SLC15A2: variants seen among roughly 807,000 people sequenced by gnomAD.
SLC15A2 encodes solute carrier family 15 member 2, also known as kidney H(+)/peptide cotransporter.
In SLC15A2, 77 loss-of-function variants were observed where a neutral mutation model predicts 95.5. That is an observed-to-expected ratio of 0.81 (90% CI 0.67 to 0.97). The LOEUF (loss-of-function observed/expected upper bound fraction) is 0.97. Among genes scored for constraint, SLC15A2 ranks in the 50% least tolerant of loss-of-function variants. The pLI is 0.00. For missense variants in SLC15A2, 893 were observed against 874.4 expected (o/e 1.02, Z -0.27); for synonymous variants, 306 against 306.9 (o/e 1.00, Z 0.03).
chr3:121,940,287 C>T, intron 20 of SLC15A2, 97 bp from the exon 21 acceptor site: 1 of 809,486 alleles, frequency 1.2e-6, no homozygotes, highest in Non-Finnish European at 2.1e-6. Context: ...AAGAGAAGTT[C>T]TAACTTGGAA....
chr3:121,925,099 G>T, intron 13 of SLC15A2, 66 bp downstream of exon 13: 1 of 1,093,142 alleles, frequency 9.1e-7, no homozygotes, highest in Non-Finnish European at 1.4e-6. Context: ...GTTTGAAAAA[G>T]ATTCAATGTC....
chr3:121,923,089 A>C lies in SLC15A2; in HGVS notation c.917A>C (p.Tyr306Ser), dbSNP rs777558752. ...GCACTGACCAGGGTACTATTCCTTT[A>C]TATCCCATTGCCCATGTTCTGGGCT... ...VKALTRVLFL[Y>S]IPLPMFWALL... The change falls in exon 10 of 22, where the codon TAT becomes TCT. Residue 306 changes from tyrosine (Y) to serine (S), a missense_variant. Coordinates refer to ENST00000489711, the MANE Select transcript of SLC15A2 (RefSeq NM_021082.4). 1 of 1,614,076 alleles carries C rather than the reference A, an allele frequency of 6.2e-7. No individual in the cohort carries two copies. Among genetic ancestry groups the C allele is most frequent in the Non-Finnish European group, 8.5e-7 (1 of 1,179,930 alleles).
chr3:121,902,377 T>C (rs1016085357), intron 3 of SLC15A2, among the ~76,000 whole-genome samples: 1 of 152,192 alleles, frequency 6.6e-6, no homozygotes, highest in Non-Finnish European at 1.5e-5. Flanking sequence ...TTTTTTATTA[T>C]ACTTTAAGTT....
At chr3:121,915,537 A>G in intron 6 of SLC15A2, 79 bp from the exon 7 acceptor site, 3 of 1,133,176 alleles carry the variant, frequency 2.6e-6, no homozygotes, top group Non-Finnish European at 4.0e-6. Context: ...GGTTTATTCA[A>G]CAACCTGAGC....
intron 3 of SLC15A2, among the ~76,000 whole-genome samples, chr3:121,909,865 C>T (rs1331112643): frequency 6.6e-6 from 1 of 151,924 alleles, no homozygotes; most frequent in Non-Finnish European, 1.5e-5. Flanking sequence ...TTATGTGTGG[C>T]CCAAGACAAT....
In SLC15A2 at chr3:121,939,222, C is replaced by A. The variant is rs965903828; in HGVS notation, c.1762-127C>A. On this transcript the variant is annotated intron_variant, in intron 19 of 21. Transcript: ENST00000489711. Reference sequence around the variant, plus strand: ...AAAGCTGGAATTGTGTAGAAATGCTCAATTTCCTGAAAATGGCTGAAGAAT... The same window carrying A: ...AAAGCTGGAATTGTGTAGAAATGCTAAATTTCCTGAAAATGGCTGAAGAAT... 8 of 766,774 alleles carry A rather than the reference C, an allele frequency of 1.0e-5. No individual in the cohort carries two copies. In the Admixed American group the frequency reaches 3.0e-4, roughly 29 times the overall value. 47.5% of individuals were successfully genotyped at this position (766,774 alleles called of 1,614,324 possible).
chr3:121,894,957 TG>T (rs1447891692), intron 1 of SLC15A2, among the ~76,000 whole-genome samples: 1 of 152,264 alleles, frequency 6.6e-6, no homozygotes, highest in African/African-American at 2.4e-5. Flanking sequence ...TCTCCCTGTG[TG>T]CAGAGTCTTC....
intron 5 of SLC15A2, chr3:121,914,994 A>G (rs1333457700): frequency 3.9e-6 from 5 of 1,279,592 alleles, no homozygotes; most frequent in Non-Finnish European, 4.9e-6. Flanking sequence ...TTTTTAACCT[A>G]TGAAAAGGGA....
Position 121,899,477 on chromosome 3 carries a change from A to G in SLC15A2, c.335+1948A>G, listed in dbSNP as rs1050419185. On this transcript the variant is annotated intron_variant, in intron 3 of 21. Coordinates refer to ENST00000489711, the MANE Select transcript of SLC15A2 (RefSeq NM_021082.4). The stretch of plus-strand genomic sequence containing the variant: ...CAGGAGCAAATCTTTAATAGCTTTA[A>G]ATGAACAAAACTCATCTTGACTCTC... Among the ~76,000 whole-genome samples, 84 of 152,126 alleles carry G rather than the reference A, an allele frequency of 5.5e-4. 1 individual carries two copies. The highest frequency in any genetic ancestry group is 2.0e-3 in the African/African-American group (82 of 41,440).
intron 13 of SLC15A2, among the ~76,000 whole-genome samples, chr3:121,926,737 A>C (rs1457031946): frequency 6.6e-6 from 1 of 152,196 alleles, no homozygotes; most frequent in East Asian, 1.9e-4. Context: ...AGACCCCAGA[A>C]TGATAGACCC....
At chr3:121,935,151 C>T (rs1004270747) in intron 19 of SLC15A2, among the ~76,000 whole-genome samples, 5 of 152,142 alleles carry the variant, frequency 3.3e-5, no homozygotes, top group African/African-American at 1.2e-4. Context: ...TGATGTGCTG[C>T]TGGATTCGTT....
chr3:121,915,453 G>A (rs1186884466), intron 6 of SLC15A2, 136 bp downstream of exon 6: 1 of 796,478 alleles, frequency 1.3e-6, no homozygotes, highest in South Asian at 1.6e-5. Context: ...GTCTTGATTT[G>A]TCTGGCCCAA....
chr3:121,922,852 G>A lies in SLC15A2; in HGVS notation c.858G>A (p.Glu286=). ...KRQHWLDWAA[E]KYPKQLIMDV... ...AGCACTGGCTAGACTGGGCGGCTGAGAAATATCCAGTAAGTTGGAAATGCA... is the reference window on the plus strand; with the variant it reads ...AGCACTGGCTAGACTGGGCGGCTGAAAAATATCCAGTAAGTTGGAAATGCA... Residue 286 remains glutamate (E), a synonymous_variant, in exon 9 of 22, where the codon GAG becomes GAA. Transcript: ENST00000489711. 1.2e-6 allele frequency: 2 copies of A among 1,613,400 alleles called. No individual in the cohort carries two copies. Among genetic ancestry groups the A allele is most frequent in the Non-Finnish European group, 1.7e-6 (2 of 1,179,400 alleles).
rs267599571 is a variant in SLC15A2, at chr3:121,929,114, C to T, written c.1474C>T (p.Arg492Cys). The T allele has an allele frequency of 3.1e-6, 5 of 1,613,536 alleles. No individual in the cohort carries two copies. The highest frequency in any genetic ancestry group is 4.5e-5 in the East Asian group (2 of 44,880). The change falls in exon 16 of 22, where the codon CGT (arginine) becomes TGT (cysteine). Residue 492 changes from arginine to cysteine, a missense_variant. Physicochemically the swap from Arg to Cys is radical, Grantham distance 180 (BLOSUM62 -3). Coordinates refer to ENST00000489711, the MANE Select transcript of SLC15A2 (RefSeq NM_021082.4). Reference protein sequence around the residue: ...QEKNWYSLVIREDGNSISSMM... With the variant: ...QEKNWYSLVICEDGNSISSMM... ...GAAGAACTGGTACAGTCTTGTCATT[C>T]GTGAAGATGGGAACAGTATCTCCAG... is the stretch of plus-strand genomic sequence containing the variant.
chr3:121,901,839 A>T (rs1265401435), intron 3 of SLC15A2, among the ~76,000 whole-genome samples: 2 of 127,424 alleles, frequency 1.6e-5, no homozygotes, highest in East Asian at 5.8e-4. Context: ...CTGCCTGAGT[A>T]TGTGTTTGTG....
At chr3:121,929,400 C>T (rs755211900) in intron 17 of SLC15A2, 52 bp downstream of exon 17, 2 of 1,559,738 alleles carry the variant, frequency 1.3e-6, no homozygotes, top group Non-Finnish European at 1.8e-6. Flanking sequence ...AATCTTGGAT[C>T]TCTTCTAATC....
intron 11 of SLC15A2, 107 bp from the exon 12 acceptor site, chr3:121,924,244 C>T: frequency 1.1e-6 from 1 of 890,278 alleles, no homozygotes; most frequent in South Asian, 1.4e-5. Context: ...GATGAATTTT[C>T]TCTCATATGT....
chr3:121,942,629 C>T lies in SLC15A2; in HGVS notation c.*1622C>T, dbSNP rs1270945525. ...CCAGATATCTTGATGTGAACCTGAC[C>T]CTACTCCTTTAGAAGACAGCCTGTT... On this transcript the variant is annotated 3_prime_UTR_variant, in exon 22 of 22. Coordinates refer to ENST00000489711, the MANE Select transcript of SLC15A2 (RefSeq NM_021082.4). 1 of 152,152 alleles carries T rather than the reference C, an allele frequency of 6.6e-6. No homozygotes were observed. The highest frequency in any genetic ancestry group is 6.5e-5 in the Admixed American group (1 of 15,268). 9.4% of individuals were successfully genotyped at this position (152,152 alleles called of 1,614,324 possible).
intron 2 of SLC15A2, 44 bp from the exon 3 acceptor site, chr3:121,897,344 A>G (rs771526043): frequency 3.1e-6 from 5 of 1,604,046 alleles, no homozygotes; most frequent in Non-Finnish European, 4.3e-6. Context: ...TAATGCATCT[A>G]TCTTGTTTTG....
Sources: allele counts gnomAD v4.1 joint callset (sites outside exome capture counted in the v4.1 genomes callset), GRCh38; gene constraint gnomAD v4.1.1; transcripts MANE v1.5; gene names NCBI Gene and HGNC (gene_info 2026-07-23, HGNC 2026-07-21).